Variants in NBAS observed in about 807,000 individuals in gnomAD.
The protein encoded by NBAS is NBAS subunit of NRZ tethering complex, also known as NAG/BC035112 fusion.
NBAS carries 219 observed loss-of-function variants against 302.5 expected under a neutral mutation model. The observed-to-expected ratio is 0.72, with a 90% CI of 0.65 to 0.81. The LOEUF (loss-of-function observed/expected upper bound fraction) is 0.81, where lower values mean the gene tolerates loss of function less well. Ranked by LOEUF, NBAS falls within the 30% of genes least tolerant of loss-of-function variation. The pLI is 0.00. For synonymous variants in NBAS, 1,118 were observed against 1,021.6 expected (o/e 1.09, Z -1.80); for missense variants, 2,932 against 2,841.6 (o/e 1.03, Z -0.72).
downstream of NBAS, among the ~76,000 whole-genome samples, chr2:15,165,463 C>T (rs1165328365): frequency 6.6e-6 from 1 of 152,160 alleles, no homozygotes; most frequent in Non-Finnish European, 1.5e-5. Flanking sequence ...GGTGGGAGGT[C>T]AGGGGAGTGA....
chr2:15,231,397 C>G (rs1485072021), intron 47 of NBAS, among the ~76,000 whole-genome samples: 1 of 152,138 alleles, frequency 6.6e-6, no homozygotes, highest in Non-Finnish European at 1.5e-5. Context: ...GGGAAATAGA[C>G]TATGAAGGCA....
At chr2:14,842,892 T>C in the NBAS span, among the ~76,000 whole-genome samples, 1 of 138,672 alleles carries the variant, frequency 7.2e-6, no homozygotes, top group African/African-American at 2.6e-5. Context: ...CAGATGAATA[T>C]AGATGCAAAA....
chr2:15,386,177 T>C lies in NBAS; in HGVS notation c.3258-2860A>G, dbSNP rs575818136. On this transcript the variant is annotated intron_variant, in intron 28 of 51. Transcript: ENST00000281513. Reference sequence around the variant, plus strand: ...GGCACATGTGTTAATGACTGTAGTATAGTTGCAGTGTAACACCGTATAGCT... The same window carrying C: ...GGCACATGTGTTAATGACTGTAGTACAGTTGCAGTGTAACACCGTATAGCT... Among the ~76,000 whole-genome samples, 5 of 152,284 alleles carry C rather than the reference T, an allele frequency of 3.3e-5. No homozygotes were observed. The East Asian group carries it at 7.7e-4, about 23-fold the overall frequency.
At chr2:15,205,897 TAC>T (rs1410068662) in intron 48 of NBAS, among the ~76,000 whole-genome samples, 5 of 152,200 alleles carry the variant, frequency 3.3e-5, no homozygotes, top group Admixed American at 6.5e-5. Flanking sequence ...CTTTATAAAT[TAC>T]ACAGTCTCAG....
intron 48 of NBAS, among the ~76,000 whole-genome samples, chr2:15,196,180 A>C (rs534832957): frequency 4.7e-4 from 72 of 152,314 alleles, no homozygotes; most frequent in African/African-American, 1.6e-3. Flanking sequence ...TCTTTACTTC[A>C]AGAAGGCAAG....
At chr2:15,396,357 T>G (rs1675863670) in intron 27 of NBAS, 56 bp downstream of exon 27, 2 of 1,404,736 alleles carry the variant, frequency 1.4e-6, no homozygotes, top group South Asian at 2.5e-5. Context: ...GTGACATTTC[T>G]TGGACAAATT....
chr2:14,922,888 C>T, the NBAS span, among the ~76,000 whole-genome samples: 1 of 152,188 alleles, frequency 6.6e-6, no homozygotes, highest in South Asian at 2.1e-4. Flanking sequence ...TGCGGTGGCT[C>T]ACAACTGTAA....
chr2:15,000,134 T>C, the NBAS span, among the ~76,000 whole-genome samples: 444 of 152,314 alleles, frequency 2.9e-3, 4 homozygotes, highest in African/African-American at 0.01. Flanking sequence ...TCAGGGCACA[T>C]GTACATGTGG....
At chr2:14,905,058 A>G in the NBAS span, among the ~76,000 whole-genome samples, 4 of 152,214 alleles carry the variant, frequency 2.6e-5, no homozygotes, top group Non-Finnish European at 5.9e-5. Context: ...AAAAAAAAGA[A>G]GTAACTCTGA....
intron 48 of NBAS, among the ~76,000 whole-genome samples, chr2:15,206,130 T>C (rs1176724290): frequency 6.6e-6 from 1 of 152,182 alleles, no homozygotes; most frequent in Admixed American, 6.5e-5. Context: ...GATAGTGATA[T>C]GGACAATGAA....
intron 4 of NBAS, 74 bp downstream of exon 4, chr2:15,553,987 T>G: frequency 7.6e-7 from 1 of 1,317,060 alleles, no homozygotes; most frequent in South Asian, 1.2e-5. Flanking sequence ...CCACAAGCAT[T>G]CCAAAATTAA....
the NBAS span, among the ~76,000 whole-genome samples, chr2:14,875,008 A>G: frequency 1.6e-4 from 24 of 151,964 alleles, no homozygotes; most frequent in Admixed American, 1.3e-3. Flanking sequence ...TTATTCTATG[A>G]AAAAAGTGTA....
At chr2:15,388,391 A>T (rs1268872616) in intron 28 of NBAS, among the ~76,000 whole-genome samples, 3 of 119,426 alleles carry the variant, frequency 2.5e-5, no homozygotes, top group South Asian at 2.6e-4. Context: ...AATGCATATT[A>T]AAAAAAAAAA....
chr2:15,099,636 C>T, the NBAS span, among the ~76,000 whole-genome samples: 21 of 151,994 alleles, frequency 1.4e-4, no homozygotes, highest in Admixed American at 2.6e-4. Flanking sequence ...GACCCTGGCA[C>T]GCTCCCTCAA....
intron 28 of NBAS, among the ~76,000 whole-genome samples, chr2:15,383,808 G>A (rs1675159677): frequency 6.6e-6 from 1 of 152,136 alleles, no homozygotes; most frequent in South Asian, 2.1e-4. Context: ...CAGTCTGGGG[G>A]ACAAGAATCG....
chr2:15,267,411 T>A (rs2148032451), intron 44 of NBAS, among the ~76,000 whole-genome samples: 1 of 152,282 alleles, frequency 6.6e-6, no homozygotes, highest in South Asian at 2.1e-4. Flanking sequence ...AAAGTTTGAA[T>A]AAACAGTTTG....
At chr2:15,447,685 T>C (rs1169016450) in intron 21 of NBAS, among the ~76,000 whole-genome samples, 1 of 152,122 alleles carries the variant, frequency 6.6e-6, no homozygotes, top group Non-Finnish European at 1.5e-5. Flanking sequence ...CACTAAGCAA[T>C]TTTTTTATTA....
At chr2:15,416,066 G>C (rs572978025) in intron 24 of NBAS, among the ~76,000 whole-genome samples, 10 of 151,938 alleles carry the variant, frequency 6.6e-5, no homozygotes, top group Non-Finnish European at 1.5e-4. Context: ...CCAGAGCAAA[G>C]AGAAGGCATA....
intron 1 of NBAS, among the ~76,000 whole-genome samples, chr2:15,559,062 C>CAAAAAAAAAAAAAAAA (rs70961421): frequency 4.0e-5 from 2 of 50,412 alleles, no homozygotes; most frequent in Admixed American, 3.6e-4. Flanking sequence ...GACCCTGCCT[C>CAAAAAAAAAAAAAAAA]AAAAAAAAAA....
Sources: gnomAD v4.1 joint callset for allele counts (sites outside exome capture counted in the v4.1 genomes callset) on GRCh38, gnomAD v4.1.1 for gene constraint, MANE v1.5 for transcripts, NCBI Gene and HGNC (gene_info 2026-07-23, HGNC 2026-07-21) for gene names.